NBEA: variants seen among roughly 807,000 people sequenced by gnomAD.
NBEA encodes neurobeachin.
In NBEA, 44 loss-of-function variants were observed where a neutral mutation model predicts 343.4. That is an observed-to-expected ratio of 0.13 (90% CI 0.10 to 0.16). The LOEUF (loss-of-function observed/expected upper bound fraction) is 0.16. Ranked by LOEUF, NBEA falls within the 10% of genes least tolerant of loss-of-function variation. The pLI, the probability that NBEA is intolerant of heterozygous loss-of-function variation, is 1.00. For synonymous variants in NBEA, 1,175 were observed against 1,238.7 expected (o/e 0.95, Z 1.08); for missense variants, 2,555 against 3,631.3 (o/e 0.70, Z 7.62).
intron 46 of NBEA, among the ~76,000 whole-genome samples, chr13:35,590,358 G>A (rs555693004): frequency 6.6e-6 from 1 of 152,202 alleles, no homozygotes; most frequent in African/African-American, 2.4e-5. Flanking sequence ...TGTCAGTAAT[G>A]TAATATGTGA....
intron 34 of NBEA, among the ~76,000 whole-genome samples, chr13:35,280,650 C>CG: frequency 6.6e-6 from 1 of 152,102 alleles, no homozygotes; most frequent in Non-Finnish European, 1.5e-5. Context: ...CAGGCTTCTC[C>CG]AGCAGATGGA....
intron 47 of NBEA, among the ~76,000 whole-genome samples, chr13:35,595,943 C>T (rs1360852009): frequency 5.3e-5 from 8 of 152,016 alleles, no homozygotes; most frequent in African/African-American, 1.9e-4. Flanking sequence ...TGTACACTGA[C>T]TCCTATCTAT....
At chr13:35,537,658 A>G (rs1255881803) in intron 41 of NBEA, among the ~76,000 whole-genome samples, 1 of 152,162 alleles carries the variant, frequency 6.6e-6, no homozygotes, top group East Asian at 1.9e-4. Flanking sequence ...AAGCAAAAAG[A>G]GACCTTGAAG....
intron 45 of NBEA, among the ~76,000 whole-genome samples, chr13:35,573,200 TG>T (rs570784577): frequency 2.6e-5 from 4 of 152,226 alleles, no homozygotes; most frequent in Non-Finnish European, 5.9e-5. Context: ...GTTTGGATAC[TG>T]TTTTAAACTC....
At chr13:35,104,901 G>A (rs1354968506) in intron 11 of NBEA, among the ~76,000 whole-genome samples, 1 of 151,882 alleles carries the variant, frequency 6.6e-6, no homozygotes, top group Non-Finnish European at 1.5e-5. Context: ...TAAACATTAG[G>A]AAAATATACT....
intron 40 of NBEA, among the ~76,000 whole-genome samples, chr13:35,463,232 T>G (rs1338140198): frequency 6.6e-6 from 1 of 152,224 alleles, no homozygotes; most frequent in Non-Finnish European, 1.5e-5. Context: ...TCAGCATTTT[T>G]CAAACTAATG....
chr13:35,130,892 A>G (rs993656596), intron 17 of NBEA, among the ~76,000 whole-genome samples: 1 of 152,054 alleles, frequency 6.6e-6, no homozygotes, highest in Non-Finnish European at 1.5e-5. Context: ...AACTATAACA[A>G]GAAGTTATTC....
intron 36 of NBEA, among the ~76,000 whole-genome samples, chr13:35,325,615 G>A (rs1346612512): frequency 4.6e-5 from 7 of 151,796 alleles, no homozygotes; most frequent in African/African-American, 1.7e-4. Flanking sequence ...ACAAGGTTTG[G>A]CAAATCAAAT....
rs1009108029 is a variant in NBEA, at chr13:35,645,890, A to G, written c.7639A>G (p.Arg2547Gly). Residue 2547 changes from arginine to glycine, a missense_variant, in exon 50 of 59, where the codon AGA (arginine) becomes GGA (glycine). Physicochemically the swap from Arg to Gly is moderately radical, Grantham distance 125. Transcript: ENST00000379939. ...LREIPEAYFI[R>G]DPHTFLLTKD... ...TAAGATTCCAGAAGCTTATTTCATTAGAGACCCCCACACTTTCCTTCTTAC... is the reference window on the plus strand; with the variant it reads ...TAAGATTCCAGAAGCTTATTTCATTGGAGACCCCCACACTTTCCTTCTTAC... 1.3e-6 allele frequency: 2 copies of G among 1,576,904 alleles called. No homozygotes were observed. The highest frequency in any genetic ancestry group is 1.7e-6 in the Non-Finnish European group (2 of 1,157,092).
chr13:35,077,671 A>T (rs2064180105), intron 10 of NBEA, among the ~76,000 whole-genome samples: 2 of 152,112 alleles, frequency 1.3e-5, no homozygotes, highest in African/African-American at 4.8e-5. Flanking sequence ...CTTTTCCAGT[A>T]ATTTTCAATG....
intron 41 of NBEA, among the ~76,000 whole-genome samples, chr13:35,487,289 T>C: frequency 6.6e-6 from 1 of 152,106 alleles, no homozygotes; most frequent in South Asian, 2.1e-4. Context: ...TTAGTAGAAT[T>C]ATATTAGTAC....
intron 1 of NBEA, among the ~76,000 whole-genome samples, chr13:35,034,467 TTTTC>T (rs1168902913): frequency 6.6e-6 from 1 of 151,880 alleles, no homozygotes; most frequent in Non-Finnish European, 1.5e-5. Context: ...TGGCCTGTAG[TTTTC>T]TTTATTTTAT....
At chr13:35,353,104 A>G (rs1413150559) in intron 38 of NBEA, among the ~76,000 whole-genome samples, 2 of 152,178 alleles carry the variant, frequency 1.3e-5, no homozygotes, top group Non-Finnish European at 2.9e-5. Context: ...TGGCTGGTGA[A>G]ATGTAAACGG....
At chr13:35,314,367 A>G (rs1463690356) in intron 36 of NBEA, among the ~76,000 whole-genome samples, 1 of 152,160 alleles carries the variant, frequency 6.6e-6, no homozygotes, top group Non-Finnish European at 1.5e-5. Flanking sequence ...AGCAGTTCGC[A>G]GTTCAGAGAA....
intron 39 of NBEA, among the ~76,000 whole-genome samples, chr13:35,445,782 T>TATATATATA (rs2045971357): frequency 1.8e-5 from 2 of 113,236 alleles, no homozygotes; most frequent in South Asian, 3.1e-4. Context: ...ATATAAATGT[T>TATATATATA]TATATATATA....
chr13:35,657,021 T>C (rs564025390), intron 55 of NBEA, among the ~76,000 whole-genome samples: 178 of 152,340 alleles, frequency 1.2e-3, no homozygotes, highest in African/African-American at 4.1e-3. Flanking sequence ...CCACCCTTCA[T>C]GTCCCACTCC....
intron 28 of NBEA, among the ~76,000 whole-genome samples, chr13:35,177,450 C>T (rs2070986566): frequency 1.3e-5 from 2 of 151,828 alleles, no homozygotes; most frequent in South Asian, 4.1e-4. Flanking sequence ...TATTAATGTT[C>T]CTTACATTAT....
chr13:35,231,957 A>G (rs1593853831), intron 33 of NBEA, among the ~76,000 whole-genome samples: 2 of 152,164 alleles, frequency 1.3e-5, no homozygotes, highest in African/African-American at 2.4e-5. Flanking sequence ...TCAACAGTGA[A>G]CTATATAATA....
At chr13:35,196,582 G>A (rs1368237491) in intron 31 of NBEA, among the ~76,000 whole-genome samples, 6 of 151,976 alleles carry the variant, frequency 3.9e-5, no homozygotes, top group Non-Finnish European at 5.9e-5. Context: ...ACAGTACATC[G>A]GGGTGTTATT....
Sources: allele counts gnomAD v4.1 joint callset (sites outside exome capture counted in the v4.1 genomes callset), GRCh38; gene constraint gnomAD v4.1.1; transcripts MANE v1.5; gene names NCBI Gene and HGNC (gene_info 2026-07-23, HGNC 2026-07-21).